PRSS12: variants seen among roughly 807,000 people sequenced by gnomAD.
PRSS12 encodes the protein neurotrypsin.
In PRSS12, 85 loss-of-function variants were observed where a neutral mutation model predicts 104.4. The observed-to-expected ratio is 0.81, with a 90% CI of 0.68 to 0.98. The LOEUF (loss-of-function observed/expected upper bound fraction) is 0.98. Among genes scored for constraint, PRSS12 ranks in the 50% least tolerant of loss-of-function variants. The pLI is 0.00. For synonymous variants in PRSS12, 454 were observed against 425.2 expected (o/e 1.07, Z -0.83); for missense variants, 1,141 against 1,139.2 (o/e 1.00, Z -0.02).
At chr4:118,297,094 A>C (rs569223246) in intron 9 of PRSS12, among the ~76,000 whole-genome samples, 3 of 152,226 alleles carry the variant, frequency 2.0e-5, no homozygotes, top group African/African-American at 4.8e-5. Context: ...TTATAAAAGA[A>C]ACCCATCAGA....
chr4:118,340,701 T>C (rs1724181083), intron 1 of PRSS12, among the ~76,000 whole-genome samples: 2 of 152,230 alleles, frequency 1.3e-5, no homozygotes, highest in South Asian at 4.1e-4. Flanking sequence ...AGGCATACTA[T>C]TAGGATAAAA....
chr4:118,306,292 AGTTAAAT>A (rs1484851989), intron 8 of PRSS12, among the ~76,000 whole-genome samples: 1 of 152,208 alleles, frequency 6.6e-6, no homozygotes, highest in African/African-American at 2.4e-5. Context: ...TTCACTTTTG[AGTTAAAT>A]GTTAAATGGA....
At chr4:118,345,975 T>A (rs1260556543) in intron 1 of PRSS12, among the ~76,000 whole-genome samples, 1 of 152,080 alleles carries the variant, frequency 6.6e-6, no homozygotes, top group African/African-American at 2.4e-5. Flanking sequence ...TTCCAAAGAG[T>A]GTCAGGAAGG....
chr4:118,309,597 C>T (rs1323561984), intron 7 of PRSS12, among the ~76,000 whole-genome samples: 2 of 152,098 alleles, frequency 1.3e-5, no homozygotes, highest in Non-Finnish European at 2.9e-5. Context: ...TTTAAGTCAC[C>T]TCTGTGGAAC....
intron 6 of PRSS12, among the ~76,000 whole-genome samples, 185 bp downstream of exon 6, chr4:118,315,997 A>G (rs1743897514): frequency 6.6e-6 from 1 of 152,222 alleles, no homozygotes; most frequent in Non-Finnish European, 1.5e-5. Context: ...AATGAAATAA[A>G]CAGCAAGAGG....
Position 118,280,038 on chromosome 4 carries a change from T to A in PRSS12, c.*1898A>T, listed in dbSNP as rs912757128. ...ACCATACAAAAATTTAAGGCAGTTA[T>A]ACAAGGTGGAAAATTATGTATTTAT... is the stretch of plus-strand genomic sequence containing the variant. On this transcript the variant is annotated 3_prime_UTR_variant, in exon 13 of 13. Transcript: ENST00000296498. 1.3e-5 allele frequency: 2 copies of A among 152,248 alleles called. No homozygotes were observed. The highest frequency in any genetic ancestry group is 2.9e-5 in the Non-Finnish European group (2 of 68,040). 9.4% of individuals were successfully genotyped at this position (152,248 alleles called of 1,614,324 possible). A position where few individuals can be genotyped will look rare whatever the true frequency, so the allele number is the denominator to read the frequency against.
chr4:118,325,934 GA>G (rs773770285), intron 4 of PRSS12, among the ~76,000 whole-genome samples: 11 of 152,158 alleles, frequency 7.2e-5, no homozygotes, highest in Non-Finnish European at 1.6e-4. Flanking sequence ...AACACTTACT[GA>G]ACTGGTTCTA....
rs35783323 is a variant in PRSS12, at chr4:118,346,458, T to TTATA, written c.502+5757_502+5760dup. Among the ~76,000 whole-genome samples, 826 of 147,842 alleles carry TTATA rather than the reference T, an allele frequency of 5.6e-3. 7 individuals are homozygous for TTATA. Among genetic ancestry groups the TTATA allele is most frequent in the African/African-American group, 0.018 (735 of 40,532 alleles). On this transcript the variant is annotated intron_variant, in intron 1 of 12. Transcript: ENST00000296498. ...AACACTATCGTAAACACTTTCCTAT[T>TTATA]TATATATATATATATATAATATTTA...
At chr4:118,351,385 T>C (rs1578947073) in intron 1 of PRSS12, among the ~76,000 whole-genome samples, 1 of 152,138 alleles carries the variant, frequency 6.6e-6, no homozygotes, top group Admixed American at 6.5e-5. Context: ...TCCCAACAAT[T>C]CAAAATGAAG....
At chr4:118,308,636 T>C in intron 7 of PRSS12, 59 bp from the exon 8 acceptor site, 1 of 1,568,158 alleles carries the variant, frequency 6.4e-7, no homozygotes, top group Non-Finnish European at 8.8e-7. Context: ...TTCTAAAGCA[T>C]GAGCGACTCT....
intron 7 of PRSS12, among the ~76,000 whole-genome samples, chr4:118,309,570 A>G (rs1341016079): frequency 1.3e-5 from 2 of 152,126 alleles, no homozygotes; most frequent in Non-Finnish European, 2.9e-5. Context: ...AAAACTGTGA[A>G]ACAATAAACA....
chr4:118,317,496 C>G (rs921488914), intron 5 of PRSS12, among the ~76,000 whole-genome samples: 1 of 152,128 alleles, frequency 6.6e-6, no homozygotes, highest in Non-Finnish European at 1.5e-5. Context: ...TTATGACATG[C>G]ATTATCTCAT....
chr4:118,339,025 G>A lies in PRSS12; in HGVS notation c.503-711C>T, dbSNP rs1724131960. On this transcript the variant is annotated intron_variant, in intron 1 of 12. Transcript: ENST00000296498. ...TCTAATATACCACACCCAAAGAGCT[G>A]TCCCAAAGTCCACAATTTAAGTCAT... 2.0e-5 allele frequency among the ~76,000 whole-genome samples: 3 copies of A among 152,108 alleles called. No homozygotes were observed. The South Asian group carries it at 6.2e-4, about 31-fold the overall frequency.
chr4:118,316,837 A>AAATATATATATATAT lies in PRSS12; in HGVS notation c.1151-515_1151-514insATATATATATATATT, dbSNP rs35698159. Among the ~76,000 whole-genome samples, 204 of 99,150 alleles carry AAATATATATATATAT rather than the reference A, an allele frequency of 2.1e-3. 1 individual carries two copies. Among genetic ancestry groups the AAATATATATATATAT allele is most frequent in the South Asian group, 8.0e-3 (21 of 2,612 alleles). The allele number at this position is 99,150 out of a possible 152,430, so 65.0% of individuals were successfully genotyped here. On this transcript the variant is annotated intron_variant, in intron 5 of 12. Transcript: ENST00000296498. Reference sequence around the variant, plus strand: ...ACTCCGTCTCACGGAAAAAAAAAAAAATATATATATATATATATATCTTTC... The same window carrying AAATATATATATATAT: ...ACTCCGTCTCACGGAAAAAAAAAAAAAATATATATATATATATATATATATATATATATATCTTTC...
In PRSS12 at chr4:118,280,201, C is replaced by T. The variant is rs1444124329; in HGVS notation, c.*1735G>A. Reference sequence around the variant, plus strand: ...TTGCTGCCTTTTAGGTTTGCTAGTCCCTGATCTACTTGAAACAGATGTTGC... The same window carrying T: ...TTGCTGCCTTTTAGGTTTGCTAGTCTCTGATCTACTTGAAACAGATGTTGC... On this transcript the variant is annotated 3_prime_UTR_variant, in exon 13 of 13. Transcript: ENST00000296498. 6.6e-6 allele frequency: 1 copy of T among 152,128 alleles called. No homozygotes were observed. Among genetic ancestry groups the T allele is most frequent in the South Asian group, 2.1e-4 (1 of 4,828 alleles). 9.4% of individuals were successfully genotyped at this position (152,128 alleles called of 1,614,324 possible).
chr4:118,352,761 C>A lies in PRSS12; in HGVS notation c.-41G>T. 1 of 1,607,796 alleles carries A rather than the reference C, an allele frequency of 6.2e-7. No homozygotes were observed. ...GGGTCTGGTCCATGCTCCCCAGCTT[C>A]TCGGGCTTGGAGCGGAGAAGAGGAG... is the stretch of plus-strand genomic sequence containing the variant. On this transcript the variant is annotated 5_prime_UTR_variant, in exon 1 of 13. Transcript: ENST00000296498.
At chr4:118,298,635 CTTG>C (rs1743313696) in intron 9 of PRSS12, 95 bp downstream of exon 9, 10 of 1,218,820 alleles carry the variant, frequency 8.2e-6, no homozygotes, top group South Asian at 1.2e-5. Context: ...TGTATACGTT[CTTG>C]TTGTACTAGA....
intron 11 of PRSS12, among the ~76,000 whole-genome samples, chr4:118,289,012 C>T (rs747673902): frequency 9.9e-5 from 15 of 152,240 alleles, no homozygotes; most frequent in African/African-American, 1.7e-4. Context: ...AGTTGAGTTA[C>T]GAAAACTTTG....
intron 1 of PRSS12, among the ~76,000 whole-genome samples, chr4:118,340,195 T>G (rs189941942): frequency 6.6e-6 from 1 of 152,288 alleles, no homozygotes; most frequent in Non-Finnish European, 1.5e-5. Context: ...TGGAAATAGT[T>G]TCCAGGTCAA....
Sources: allele counts gnomAD v4.1 joint callset (sites outside exome capture counted in the v4.1 genomes callset), GRCh38; gene constraint gnomAD v4.1.1; transcripts MANE v1.5; gene names NCBI Gene and HGNC (gene_info 2026-07-23, HGNC 2026-07-21).